PAWR: variants seen among roughly 807,000 people sequenced by gnomAD.
PAWR encodes PRKC apoptosis WT1 regulator protein.
PAWR carries 23 observed loss-of-function variants against 32.0 expected under a neutral mutation model. The observed-to-expected ratio is 0.72, with a 90% CI of 0.52 to 1.02. PAWR has a LOEUF of 1.02. Among genes scored for constraint, PAWR ranks in the 50% least tolerant of loss-of-function variants. The pLI is 0.00. For missense variants in PAWR, 457 were observed against 437.7 expected (o/e 1.04, Z -0.39); for synonymous variants, 226 against 187.1 (o/e 1.21, Z -1.70).
chr12:79,616,934 AT>A (rs1840120574), intron 3 of PAWR, among the ~76,000 whole-genome samples: 1 of 152,224 alleles, frequency 6.6e-6, no homozygotes, highest in Non-Finnish European at 1.5e-5. Flanking sequence ...TTTCTTGTAT[AT>A]AGCTAATATT....
At chr12:79,652,124 T>G (rs1007177740) in intron 2 of PAWR, among the ~76,000 whole-genome samples, 2 of 152,188 alleles carry the variant, frequency 1.3e-5, no homozygotes, top group Admixed American at 6.5e-5. Flanking sequence ...ACTAGATACG[T>G]AGTTTCAGTT....
intron 3 of PAWR, among the ~76,000 whole-genome samples, chr12:79,615,984 G>A (rs761296277): frequency 4.7e-5 from 7 of 149,520 alleles, no homozygotes; most frequent in Admixed American, 1.3e-4. Flanking sequence ...TTGAACTCAA[G>A]AGGCAGAGGT....
rs1462202508 is a variant in PAWR, at chr12:79,588,230, G to A, written c.*4377C>T. ...TTCTATTATTACCAGAGTAACTGTCGATATGTGAACTGTAGATTAGAACAG... is the reference window on the plus strand; with the variant it reads ...TTCTATTATTACCAGAGTAACTGTCAATATGTGAACTGTAGATTAGAACAG... On this transcript the variant is annotated 3_prime_UTR_variant, in exon 7 of 7. Coordinates refer to ENST00000328827, the MANE Select transcript of PAWR (RefSeq NM_002583.4). 2 of 151,876 alleles carry A rather than the reference G, an allele frequency of 1.3e-5. No homozygotes were observed. The highest frequency in any genetic ancestry group is 2.4e-5 in the African/African-American group (1 of 41,412). 9.4% of individuals were successfully genotyped at this position (151,876 alleles called of 1,614,324 possible).
intron 4 of PAWR, among the ~76,000 whole-genome samples, chr12:79,612,086 T>C (rs1874464474): frequency 6.6e-6 from 1 of 152,140 alleles, no homozygotes; most frequent in Admixed American, 6.5e-5. Flanking sequence ...TTTGAGAATG[T>C]GGTATGGGAA....
Position 79,637,758 on chromosome 12 carries a change from T to C in PAWR, c.517-16551A>G, listed in dbSNP as rs562188329. 4.6e-5 allele frequency among the ~76,000 whole-genome samples: 7 copies of C among 152,034 alleles called. No individual in the cohort carries two copies. The South Asian group carries it at 1.0e-3, about 23-fold the overall frequency. ...CAACATACCTCTAAACTAGAAAGCT[T>C]GGGAACTGAGTAAATTTAAAACGTA... On this transcript the variant is annotated intron_variant, in intron 2 of 6. Transcript: ENST00000328827.
intron 4 of PAWR, among the ~76,000 whole-genome samples, chr12:79,610,841 T>C (rs1874403159): frequency 1.3e-5 from 2 of 148,904 alleles, no homozygotes; most frequent in South Asian, 4.3e-4. Flanking sequence ...CCATCTTTAC[T>C]AAATCTTGAG....
At chr12:79,622,528 A>G (rs1875075094) in intron 2 of PAWR, among the ~76,000 whole-genome samples, 1 of 152,070 alleles carries the variant, frequency 6.6e-6, no homozygotes, top group Non-Finnish European at 1.5e-5. Context: ...TCATTGTTCA[A>G]TTCCCACCTA....
intron 3 of PAWR, among the ~76,000 whole-genome samples, chr12:79,615,526 C>T (rs945734428): frequency 9.2e-5 from 14 of 152,208 alleles, no homozygotes; most frequent in African/African-American, 3.1e-4. Context: ...TTTAACCATC[C>T]CTGAGCATCA....
chr12:79,660,521 C>G (rs1207729964), intron 2 of PAWR, among the ~76,000 whole-genome samples: 3 of 151,902 alleles, frequency 2.0e-5, no homozygotes, highest in Non-Finnish European at 4.4e-5. Flanking sequence ...CTCTAAAGAT[C>G]TCTTCCCTAA....
intron 2 of PAWR, among the ~76,000 whole-genome samples, chr12:79,645,027 C>G (rs1182268977): frequency 7.0e-6 from 1 of 143,288 alleles, no homozygotes; most frequent in Non-Finnish European, 1.5e-5. Context: ...CATGCTCCCT[C>G]CACCCCCACC....
At chr12:79,609,930 G>C (rs1874360942) in intron 4 of PAWR, among the ~76,000 whole-genome samples, 1 of 152,168 alleles carries the variant, frequency 6.6e-6, no homozygotes, top group Non-Finnish European at 1.5e-5. Context: ...GGGGTAGTGG[G>C]CATCCCCCTA....
At chr12:79,637,879 A>G (rs977141620) in intron 2 of PAWR, among the ~76,000 whole-genome samples, 1 of 152,178 alleles carries the variant, frequency 6.6e-6, no homozygotes, top group Non-Finnish European at 1.5e-5. Flanking sequence ...ACATCTTTCT[A>G]TGAGAACTAG....
intron 3 of PAWR, among the ~76,000 whole-genome samples, chr12:79,614,261 C>T (rs900395539): frequency 2.0e-5 from 3 of 151,472 alleles, no homozygotes; most frequent in African/African-American, 7.3e-5. Context: ...CCGTCCACCT[C>T]AGCCTCCCAA....
At chr12:79,644,637 T>G (rs894128885) in intron 2 of PAWR, among the ~76,000 whole-genome samples, 7 of 152,178 alleles carry the variant, frequency 4.6e-5, no homozygotes, top group African/African-American at 1.7e-4. Flanking sequence ...TGAGCAAAGA[T>G]AGAAAGCTTC....
intron 4 of PAWR, among the ~76,000 whole-genome samples, chr12:79,605,531 A>T (rs115887823): frequency 0.013 from 2,009 of 151,046 alleles, 51 homozygotes; most frequent in African/African-American, 0.046. Context: ...TTTTTTTTTA[A>T]AAAAAAAGCC....
At chr12:79,617,150 G>A (rs970672855) in intron 3 of PAWR, among the ~76,000 whole-genome samples, 5 of 152,070 alleles carry the variant, frequency 3.3e-5, no homozygotes, top group African/African-American at 1.2e-4. Context: ...CTAAGGTCGG[G>A]AGACCAGCCT....
At position 79,684,292 on chromosome 12, in the gene PAWR, T is replaced by TA. The variant is rs35293122; in HGVS notation, c.516+5436dup. 3.6e-3 allele frequency among the ~76,000 whole-genome samples: 538 copies of TA among 149,148 alleles called. 5 individuals carry two copies. Among genetic ancestry groups the TA allele is most frequent in the African/African-American group, 0.012 (471 of 40,818 alleles). On this transcript the variant is annotated intron_variant, in intron 2 of 6. Coordinates refer to ENST00000328827, the MANE Select transcript of PAWR (RefSeq NM_002583.4). ...ATTTTCTGGCACACATCATAGGTGC[T>TA]AAAAAAAAAATGCAGAAATAATAAA...
intron 3 of PAWR, 31 bp downstream of exon 3, chr12:79,621,045 T>A: frequency 1.3e-6 from 2 of 1,542,018 alleles, no homozygotes; most frequent in Non-Finnish European, 1.8e-6. Context: ...TTAAAATAGA[T>A]AGTGACTTCC....
At chr12:79,632,316 T>TATAC (rs1875693012) in intron 2 of PAWR, among the ~76,000 whole-genome samples, 1 of 21,554 alleles carries the variant, frequency 4.6e-5, no homozygotes, top group African/African-American at 8.7e-4. Flanking sequence ...TACATACATA[T>TATAC]ATATATATAT....
Sources: gnomAD v4.1 joint callset for allele counts (sites outside exome capture counted in the v4.1 genomes callset) on GRCh38, gnomAD v4.1.1 for gene constraint, MANE v1.5 for transcripts, NCBI Gene and HGNC (gene_info 2026-07-23, HGNC 2026-07-21) for gene names.